NLGN4X: variants seen among roughly 807,000 people sequenced by gnomAD.
NLGN4X encodes neuroligin 4 X-linked.
A neutral mutation model predicts 40.3 loss-of-function variants in NLGN4X; 3 were observed. That is an observed-to-expected ratio of 0.07 (90% CI 0.03 to 0.19). The LOEUF (loss-of-function observed/expected upper bound fraction) is 0.19. Ranked by LOEUF, NLGN4X falls within the 10% of genes least tolerant of loss-of-function variation. The pLI is 1.00. For missense variants in NLGN4X, 382 were observed against 708.3 expected, an observed-to-expected ratio of 0.54 and a Z score of 5.23; for synonymous variants, 270 against 306.8, an observed-to-expected ratio of 0.88 and a Z score of 1.25.
intron 2 of NLGN4X, among the ~76,000 whole-genome samples, chrX:6,094,685 T>C (rs1367991210): frequency 9.0e-6 from 1 of 111,573 alleles, no homozygotes; most frequent in African/African-American, 3.3e-5. Flanking sequence ...ATCTCAAATA[T>C]TTCTACAAAT....
intron 3 of NLGN4X, among the ~76,000 whole-genome samples, chrX:5,979,840 C>T (rs1305169621): frequency 1.1e-5 from 1 of 89,537 alleles, no homozygotes; most frequent in Admixed American, 1.3e-4. Context: ...ATACACACAT[C>T]TATACACACA....
intron 1 of NLGN4X, among the ~76,000 whole-genome samples, chrX:6,201,400 G>A (rs1383918627): frequency 2.7e-5 from 3 of 111,480 alleles, no homozygotes; most frequent in Admixed American, 1.9e-4. Flanking sequence ...TTGTAACGGC[G>A]GAGATGGGGC....
chrX:5,957,182 T>C (rs2034520969), intron 3 of NLGN4X, among the ~76,000 whole-genome samples: 1 of 112,038 alleles, frequency 8.9e-6, no homozygotes, highest in African/African-American at 3.2e-5. Context: ...TGATAGATAT[T>C]TAATACCCTC....
chrX:6,034,082 T>C (rs1054898180), intron 2 of NLGN4X, among the ~76,000 whole-genome samples: 12 of 112,537 alleles, frequency 1.1e-4, no homozygotes, highest in Non-Finnish European at 2.1e-4. Flanking sequence ...TGTTTCCATA[T>C]ATCAAACAAA....
chrX:6,170,867 A>T (rs2040591197), intron 1 of NLGN4X, among the ~76,000 whole-genome samples: 1 of 111,748 alleles, frequency 8.9e-6, no homozygotes, highest in African/African-American at 3.3e-5. Flanking sequence ...TCTGTTGCCC[A>T]GGCTGGAGTG....
chrX:6,022,892 C>G (rs1299146785), intron 3 of NLGN4X, among the ~76,000 whole-genome samples: 1 of 111,608 alleles, frequency 9.0e-6, no homozygotes, highest in Non-Finnish European at 1.9e-5. Context: ...ATTATGACTA[C>G]AAATGCTGTT....
At chrX:6,156,362 A>T (rs1753090994) in intron 1 of NLGN4X, among the ~76,000 whole-genome samples, 1 of 111,117 alleles carries the variant, frequency 9.0e-6, no homozygotes, top group Admixed American at 9.5e-5. Context: ...ACAAAAAATT[A>T]GCTGGGCGTG....
At chrX:6,187,718 T>C (rs1922193092) in intron 1 of NLGN4X, 1 of 112,165 alleles carries the variant, frequency 8.9e-6, no homozygotes, top group Non-Finnish European at 1.9e-5. Context: ...ATCCTATCGC[T>C]CCAACATGTC....
intron 3 of NLGN4X, among the ~76,000 whole-genome samples, chrX:5,964,997 T>C (rs1443465775): frequency 1.8e-5 from 2 of 112,106 alleles, no homozygotes; most frequent in Non-Finnish European, 3.8e-5. Context: ...AATCATCTAA[T>C]ATACATAGAA....
intron 2 of NLGN4X, among the ~76,000 whole-genome samples, chrX:6,041,397 G>A (rs2037152607): frequency 8.9e-6 from 1 of 112,165 alleles, no homozygotes; most frequent in African/African-American, 3.2e-5. Flanking sequence ...ACACTACCAG[G>A]AACATGGCTT....
At chrX:5,975,375 C>T (rs1278424539) in intron 3 of NLGN4X, among the ~76,000 whole-genome samples, 1 of 110,795 alleles carries the variant, frequency 9.0e-6, no homozygotes, top group East Asian at 2.8e-4. Context: ...CTTTGGGAGG[C>T]AGAGGTGGGT....
chrX:6,200,692 T>C (rs1311885765), intron 1 of NLGN4X, among the ~76,000 whole-genome samples: 1 of 90,005 alleles, frequency 1.1e-5, no homozygotes, highest in South Asian at 5.5e-4. Flanking sequence ...CTTTTCTTTT[T>C]TTTTTTTTTT....
intron 3 of NLGN4X, among the ~76,000 whole-genome samples, chrX:6,027,796 ATTAAT>A (rs1439458902): frequency 9.4e-6 from 1 of 106,701 alleles, no homozygotes; most frequent in Non-Finnish European, 1.9e-5. Flanking sequence ...TTTTATTTTA[ATTAAT>A]TTATTACTAG....
intron 3 of NLGN4X, among the ~76,000 whole-genome samples, chrX:5,925,313 CT>C (rs2033228993): frequency 8.9e-6 from 1 of 111,759 alleles, no homozygotes; most frequent in Non-Finnish European, 1.9e-5. Context: ...AAAAGCAAAT[CT>C]TGTGATCCAC....
chrX:6,008,834 T>C (rs1243699936), intron 3 of NLGN4X, among the ~76,000 whole-genome samples: 1 of 111,956 alleles, frequency 8.9e-6, no homozygotes, highest in Non-Finnish European at 1.9e-5. Flanking sequence ...CATTAGGAAA[T>C]AATTTTCCAT....
intron 2 of NLGN4X, among the ~76,000 whole-genome samples, chrX:6,065,005 T>G (rs2037872768): frequency 9.0e-6 from 1 of 111,594 alleles, no homozygotes; most frequent in African/African-American, 3.3e-5. Context: ...AGAGAACTAA[T>G]GCAGAAACAG....
intron 2 of NLGN4X, among the ~76,000 whole-genome samples, chrX:6,063,002 C>A (rs1386113948): frequency 4.5e-5 from 5 of 111,046 alleles, no homozygotes; most frequent in African/African-American, 1.6e-4. Flanking sequence ...CCTGGAACAT[C>A]CTTCTCATAT....
chrX:6,020,978 A>C (rs1254914597), intron 3 of NLGN4X, among the ~76,000 whole-genome samples: 1 of 73,231 alleles, frequency 1.4e-5, no homozygotes, highest in African/African-American at 5.1e-5. Context: ...CATCTGGCTA[A>C]TTTTTTCTTT....
intron 3 of NLGN4X, among the ~76,000 whole-genome samples, chrX:6,016,707 G>A (rs896017907): frequency 1.8e-5 from 2 of 111,469 alleles, no homozygotes; most frequent in African/African-American, 6.5e-5. Context: ...GCCAGAAACT[G>A]GAAATGATCC....
Sources: gnomAD v4.1 joint callset for allele counts (sites outside exome capture counted in the v4.1 genomes callset) on GRCh38, gnomAD v4.1.1 for gene constraint, MANE v1.5 for transcripts, NCBI Gene and HGNC (gene_info 2026-07-23, HGNC 2026-07-21) for gene names.